The following ADGRB3 variants were observed in gnomAD, a reference collection of about 807,000 sequenced individuals.
ADGRB3 encodes the protein brain-specific angiogenesis inhibitor 3.
ADGRB3 carries 37 observed loss-of-function variants against 193.4 expected under a neutral mutation model. The observed-to-expected ratio is 0.19, with a 90% CI of 0.15 to 0.25. The LOEUF (loss-of-function observed/expected upper bound fraction) is 0.25. Among genes scored for constraint, ADGRB3 ranks in the 10% least tolerant of loss-of-function variants. The pLI is 1.00. For synonymous variants in ADGRB3, 690 were observed against 644.2 expected, an observed-to-expected ratio of 1.07 and a Z score of -1.08; for missense variants, 1,637 against 1,852.9, an observed-to-expected ratio of 0.88 and a Z score of 2.14.
Position 69,239,112 on chromosome 6 carries a change from C to G in ADGRB3, c.2712-12C>G, listed in dbSNP as rs1468456614. ...GATTTTAAAGTTGGGTAACTTTTCT[C>G]TCTCTGGCTAGGTACATACGCTCTG... is the stretch of plus-strand genomic sequence containing the variant. On this transcript the variant is annotated splice_polypyrimidine_tract_variant and intron_variant, in intron 19 of 31. Transcript: ENST00000370598. 1.3e-6 allele frequency: 2 copies of G among 1,519,582 alleles called. No homozygotes were observed. Among genetic ancestry groups the G allele is most frequent in the Non-Finnish European group, 1.8e-6 (2 of 1,105,698 alleles). The allele number at this position is 1,519,582 out of a possible 1,614,324, so 94.1% of individuals were successfully genotyped here. A position where few individuals can be genotyped will look rare whatever the true frequency, so the allele number is the denominator to read the frequency against.
chr6:68,806,076 C>G (rs1164374777), intron 3 of ADGRB3, among the ~76,000 whole-genome samples: 1 of 152,198 alleles, frequency 6.6e-6, no homozygotes, highest in Non-Finnish European at 1.5e-5. Context: ...CAATAGGGAT[C>G]TCACTCATTT....
intron 12 of ADGRB3, 120 bp from the exon 13 acceptor site, chr6:69,018,271 G>C (rs1172953609): frequency 1.8e-6 from 1 of 568,412 alleles, no homozygotes; most frequent in Non-Finnish European, 3.0e-6. Context: ...GGCAGCTGTA[G>C]ATTTTTTTGA....
In ADGRB3 at chr6:68,751,411, A is replaced by G. The variant is rs565977775; in HGVS notation, c.757+111979A>G. On this transcript the variant is annotated intron_variant, in intron 3 of 31. Transcript: ENST00000370598. ...TCCACACAGAGGAAAACAAGTTTCC[A>G]TCTTATCTCCTTCTTTCCCAGTCAC... Among the ~76,000 whole-genome samples, 8 of 152,296 alleles carry G rather than the reference A, an allele frequency of 5.3e-5. 1 individual carries two copies. In the East Asian group the frequency reaches 1.4e-3, roughly 26 times the overall value.
chr6:69,143,692 A>T (rs1294912387), intron 17 of ADGRB3, among the ~76,000 whole-genome samples: 1 of 152,118 alleles, frequency 6.6e-6, no homozygotes, highest in Non-Finnish European at 1.5e-5. Flanking sequence ...AGTTCACTAT[A>T]GTTGTATGGA....
At chr6:68,867,088 G>A (rs1423483367) in intron 3 of ADGRB3, among the ~76,000 whole-genome samples, 1 of 152,190 alleles carries the variant, frequency 6.6e-6, no homozygotes, top group Non-Finnish European at 1.5e-5. Context: ...GGAGCCAAAT[G>A]TTAAGACAAT....
chr6:69,073,408 C>T (rs1395311241), intron 16 of ADGRB3, among the ~76,000 whole-genome samples: 1 of 152,026 alleles, frequency 6.6e-6, no homozygotes, highest in East Asian at 1.9e-4. Context: ...CTTAGTTCAG[C>T]TAAGAGCCGG....
chr6:69,261,450 T>A (rs529865935), intron 20 of ADGRB3, among the ~76,000 whole-genome samples: 3 of 152,224 alleles, frequency 2.0e-5, no homozygotes, highest in African/African-American at 7.2e-5. Context: ...GGCCACTGAA[T>A]GTAATGGGAA....
At chr6:69,087,526 A>G (rs541530904) in intron 17 of ADGRB3, among the ~76,000 whole-genome samples, 1 of 152,288 alleles carries the variant, frequency 6.6e-6, no homozygotes, top group Middle Eastern at 3.4e-3. Flanking sequence ...CTGACATATC[A>G]AGAAACATAG....
chr6:69,068,299 T>C (rs1489706428), intron 16 of ADGRB3, among the ~76,000 whole-genome samples: 8 of 152,184 alleles, frequency 5.3e-5, no homozygotes, highest in Admixed American at 1.3e-4. Context: ...CCCCATATAA[T>C]TAGTATTAGG....
chr6:69,000,943 C>T (rs1769558019), intron 11 of ADGRB3, among the ~76,000 whole-genome samples: 1 of 152,058 alleles, frequency 6.6e-6, no homozygotes, highest in South Asian at 2.1e-4. Flanking sequence ...TTACTTGGCA[C>T]ATAGTAAGTA....
intron 17 of ADGRB3, among the ~76,000 whole-genome samples, chr6:69,118,008 A>G (rs759030704): frequency 2.0e-5 from 3 of 152,182 alleles, no homozygotes; most frequent in Non-Finnish European, 4.4e-5. Context: ...CAAAATCACA[A>G]AGATAACAGC....
At chr6:69,177,283 C>G (rs1243052236) in intron 17 of ADGRB3, among the ~76,000 whole-genome samples, 1 of 151,912 alleles carries the variant, frequency 6.6e-6, no homozygotes, top group Admixed American at 6.6e-5. Context: ...GCTCTTTGCT[C>G]TTAATACTGC....
chr6:68,714,406 A>G (rs1411879070), intron 3 of ADGRB3, among the ~76,000 whole-genome samples: 1 of 151,800 alleles, frequency 6.6e-6, no homozygotes, highest in Admixed American at 6.6e-5. Context: ...GGGATGGCTG[A>G]TGTGCAGGTG....
chr6:68,995,612 G>A (rs1190754684), intron 11 of ADGRB3, among the ~76,000 whole-genome samples: 2 of 152,178 alleles, frequency 1.3e-5, no homozygotes, highest in African/African-American at 2.4e-5. Flanking sequence ...TCAGAAATAG[G>A]TTTCTCTCTT....
intron 20 of ADGRB3, among the ~76,000 whole-genome samples, chr6:69,245,141 A>G (rs895300209): frequency 6.6e-6 from 1 of 151,906 alleles, no homozygotes; most frequent in South Asian, 2.1e-4. Context: ...AATCTAATAA[A>G]TCATCCACCT....
chr6:68,740,635 T>A (rs1174851847), intron 3 of ADGRB3, among the ~76,000 whole-genome samples: 4 of 152,174 alleles, frequency 2.6e-5, no homozygotes, highest in African/African-American at 9.7e-5. Context: ...TGGGCCACAA[T>A]GTCAGTGTTA....
intron 17 of ADGRB3, among the ~76,000 whole-genome samples, chr6:69,171,411 A>T (rs1486216765): frequency 2.6e-5 from 4 of 152,216 alleles, no homozygotes; most frequent in African/African-American, 9.6e-5. Context: ...GGCCTGGCCA[A>T]CTTCCATACC....
At chr6:69,188,785 A>G (rs1253278411) in intron 17 of ADGRB3, among the ~76,000 whole-genome samples, 1 of 152,138 alleles carries the variant, frequency 6.6e-6, no homozygotes, top group African/African-American at 2.4e-5. Context: ...TAACAGACAC[A>G]TTTGTTTGGA....
intron 31 of ADGRB3, among the ~76,000 whole-genome samples, chr6:69,387,983 A>T (rs1770110024): frequency 6.6e-6 from 1 of 152,134 alleles, no homozygotes; most frequent in Non-Finnish European, 1.5e-5. Flanking sequence ...AAAAATAGAA[A>T]TTGAGAGCTA....
Sources: allele counts gnomAD v4.1 joint callset (sites outside exome capture counted in the v4.1 genomes callset), GRCh38; gene constraint gnomAD v4.1.1; transcripts MANE v1.5; gene names NCBI Gene and HGNC (gene_info 2026-07-23, HGNC 2026-07-21).